The following FBN2 variants were observed in gnomAD, a reference collection of about 807,000 sequenced individuals.
FBN2 encodes the protein fibrillin 2, also known as fibrillin-2.
In FBN2, 105 loss-of-function variants were observed where a neutral mutation model predicts 355.6. That is an observed-to-expected ratio of 0.30 (90% confidence interval 0.25 to 0.35). FBN2 has a LOEUF of 0.35. Ranked by LOEUF, FBN2 falls within the 10% of genes least tolerant of loss-of-function variation. The pLI is 1.00. For missense variants in FBN2, 3,280 were observed against 3,758.7 expected (o/e 0.87, Z 3.33); for synonymous variants, 1,350 against 1,301.2 (o/e 1.04, Z -0.81).
chr5:128,298,853 C>T (rs968704560), intron 48 of FBN2, among the ~76,000 whole-genome samples: 16 of 152,314 alleles, frequency 1.1e-4, no homozygotes, highest in African/African-American at 2.9e-4. Flanking sequence ...AGTTATTCTC[C>T]GTCCAGTTTT....
chr5:128,475,449 G>T (rs953172284), intron 5 of FBN2, among the ~76,000 whole-genome samples: 2 of 152,096 alleles, frequency 1.3e-5, no homozygotes, highest in South Asian at 2.1e-4. Flanking sequence ...TAAATTAGTT[G>T]TCTGGAAGTC....
intron 5 of FBN2, among the ~76,000 whole-genome samples, chr5:128,502,085 A>C (rs1755832771): frequency 6.6e-6 from 1 of 152,132 alleles, no homozygotes. Flanking sequence ...CAAGTGACTT[A>C]GGAGAAGAAA....
In FBN2 at chr5:128,341,469, C is replaced by T. The variant is rs116656510; in HGVS notation, c.3344-2408G>A. ...TCCCTCTTCAGGAAAGAAGGACTTA[C>T]TCCCCCTCCCCGTCAGCTATTGGTA... On this transcript the variant is annotated intron_variant, in intron 25 of 64. Transcript: ENST00000262464. Among the ~76,000 whole-genome samples, 1,484 of 152,276 alleles carry T rather than the reference C, an allele frequency of 9.7e-3. 24 individuals carry two copies. Among genetic ancestry groups the T allele is most frequent in the African/African-American group, 0.034 (1,398 of 41,544 alleles).
chr5:128,338,360 C>T (rs1372015248), intron 26 of FBN2, among the ~76,000 whole-genome samples: 1 of 152,162 alleles, frequency 6.6e-6, no homozygotes, highest in Non-Finnish European at 1.5e-5. Context: ...TCAGCAGGCT[C>T]ACAAGGGGTA....
rs1351213337 is a variant in FBN2 at position 128,280,371 on chromosome 5, C to A, written c.7013-54G>T. The A allele has an allele frequency of 5.7e-6, 8 of 1,394,452 alleles. No homozygotes were observed. In the Admixed American group the frequency reaches 1.3e-4, roughly 23 times the overall value. The allele number at this position is 1,394,452 out of a possible 1,614,324, so 86.4% of individuals were successfully genotyped here. On this transcript the variant is annotated intron_variant, in intron 55 of 64. Transcript: ENST00000262464. ...GAGAAAACTGTCAAATTATAGTTTACAAGCTATCTTCTAATGGGTTATATC... is the reference window on the plus strand; with the variant it reads ...GAGAAAACTGTCAAATTATAGTTTAAAAGCTATCTTCTAATGGGTTATATC...
chr5:128,275,436 G>T, intron 59 of FBN2, among the ~76,000 whole-genome samples: 1 of 114,890 alleles, frequency 8.7e-6, no homozygotes, highest in Admixed American at 9.6e-5. Context: ...AGCGGTGCTT[G>T]CTATTATTTT....
intron 63 of FBN2, 50 bp downstream of exon 63, chr5:128,263,375 A>T: frequency 7.1e-7 from 1 of 1,414,500 alleles, no homozygotes; most frequent in East Asian, 2.3e-5. Context: ...GCCTGAACTC[A>T]CTCAGGAACC....
At chr5:128,312,942 T>G in intron 36 of FBN2, 147 bp from the exon 37 acceptor site, 1 of 903,192 alleles carries the variant, frequency 1.1e-6, no homozygotes, top group Non-Finnish European at 1.8e-6. Flanking sequence ...AGCAATCTCC[T>G]GCTTTTCAGC....
At chr5:128,269,605 A>C (rs1247291385) in intron 62 of FBN2, among the ~76,000 whole-genome samples, 1 of 152,230 alleles carries the variant, frequency 6.6e-6, no homozygotes, top group Non-Finnish European at 1.5e-5. Flanking sequence ...CAGAGAGTCA[A>C]ACAATGAATG....
intron 5 of FBN2, among the ~76,000 whole-genome samples, chr5:128,514,935 T>C (rs933755046): frequency 2.6e-5 from 4 of 152,230 alleles, no homozygotes; most frequent in Admixed American, 1.3e-4. Flanking sequence ...TATAGAATTC[T>C]ATGTAATACC....
chr5:128,362,527 C>G (rs952760788), intron 18 of FBN2, among the ~76,000 whole-genome samples: 1 of 152,216 alleles, frequency 6.6e-6, no homozygotes, highest in Non-Finnish European at 1.5e-5. Flanking sequence ...CTGGTGCGAT[C>G]ACAGCTCACT....
intron 7 of FBN2, among the ~76,000 whole-genome samples, chr5:128,431,833 T>C (rs554292877): frequency 3.3e-5 from 5 of 152,296 alleles, no homozygotes; most frequent in African/African-American, 4.8e-5. Context: ...GCAGCATGGA[T>C]ATGCTGGACA....
chr5:128,426,551 T>C (rs1013014377), intron 7 of FBN2, among the ~76,000 whole-genome samples: 1 of 152,218 alleles, frequency 6.6e-6, no homozygotes, highest in Non-Finnish European at 1.5e-5. Flanking sequence ...CAGTTCTTTC[T>C]TGACCCTAGG....
chr5:128,457,094 A>G (rs945009460), intron 6 of FBN2, among the ~76,000 whole-genome samples: 3 of 152,202 alleles, frequency 2.0e-5, no homozygotes, highest in African/African-American at 7.2e-5. Context: ...TAACCAGTTT[A>G]GAGGGGAACA....
At position 128,257,930 on chromosome 5, in the gene FBN2, G is replaced by A. The variant is rs2126790087; in HGVS notation, c.*1525C>T. The A allele has an allele frequency of 6.6e-6, 1 of 152,420 alleles. No homozygotes were observed. The highest frequency in any genetic ancestry group is 3.4e-3 in the Middle Eastern group (1 of 296). The allele number at this position is 152,420 out of a possible 1,614,324, so 9.4% of individuals were successfully genotyped here. On this transcript the variant is annotated 3_prime_UTR_variant, in exon 65 of 65. Transcript: ENST00000262464. ...AAAATACCCCAAAATAAGCTTTATT[G>A]CAAGAAAAGTGTCATATTTGATACA...
chr5:128,452,511 AATT>A (rs1176806421), intron 6 of FBN2, among the ~76,000 whole-genome samples: 2 of 152,118 alleles, frequency 1.3e-5, no homozygotes, highest in East Asian at 1.9e-4. Context: ...TTATTACATA[AATT>A]ATTATTAGAT....
chr5:128,469,811 G>C (rs1033335176), intron 5 of FBN2, among the ~76,000 whole-genome samples: 1 of 152,184 alleles, frequency 6.6e-6, no homozygotes, highest in Admixed American at 6.5e-5. Context: ...TTATGAGGAT[G>C]GCTGATGGTG....
At chr5:128,435,144 T>C (rs1267386407) in intron 7 of FBN2, among the ~76,000 whole-genome samples, 2 of 152,176 alleles carry the variant, frequency 1.3e-5, no homozygotes, top group African/African-American at 4.8e-5. Flanking sequence ...TTATGTTAAA[T>C]AAATCAAGCC....
At chr5:128,294,744 T>G (rs1302576885) in intron 48 of FBN2, among the ~76,000 whole-genome samples, 1 of 151,424 alleles carries the variant, frequency 6.6e-6, no homozygotes, top group East Asian at 1.9e-4. Flanking sequence ...ATTAGCCCTT[T>G]GTCAGAGTAG....
Sources: gnomAD v4.1 joint callset for allele counts (sites outside exome capture counted in the v4.1 genomes callset) on GRCh38, gnomAD v4.1.1 for gene constraint, MANE v1.5 for transcripts, NCBI Gene and HGNC (gene_info 2026-07-23, HGNC 2026-07-21) for gene names.